Variants in ARMC9 observed in about 807,000 individuals in gnomAD.
ARMC9 encodes the protein armadillo repeat containing 9, also known as lisH domain-containing protein ARMC9.
In ARMC9, 94 loss-of-function variants were observed where a neutral mutation model predicts 107.0. The observed-to-expected ratio is 0.88, with a 90% CI of 0.74 to 1.04. ARMC9 has a LOEUF of 1.04. ARMC9 is among the 50% of genes least tolerant of loss of function. ARMC9 has a pLI of 0.00. For missense variants in ARMC9, 942 were observed against 1,030.1 expected (o/e 0.91, Z 1.17); for synonymous variants, 380 against 396.9 (o/e 0.96, Z 0.51).
intron 16 of ARMC9, among the ~76,000 whole-genome samples, chr2:231,280,161 T>C (rs551879086): frequency 6.6e-6 from 1 of 152,260 alleles, no homozygotes; most frequent in African/African-American, 2.4e-5. Flanking sequence ...GCTTTGAAAA[T>C]GAGCTGGATG....
chr2:231,347,882 C>A (rs1428386995), intron 21 of ARMC9, among the ~76,000 whole-genome samples: 4 of 152,152 alleles, frequency 2.6e-5, no homozygotes, highest in Non-Finnish European at 4.4e-5. Flanking sequence ...TATGTAGAGA[C>A]CTTTATTTTT....
At position 231,240,061 on chromosome 2, in the gene ARMC9, G is replaced by T. The variant is rs2036145237; in HGVS notation, c.879+20G>T. 1 of 1,598,506 alleles carries T rather than the reference G, an allele frequency of 6.3e-7. No homozygotes were observed. The highest frequency in any genetic ancestry group is 1.3e-5 in the African/African-American group (1 of 74,526). ...GGGACGGTGAGGCTCTGCGCTCAGGGCAGGGTGCCCGTGGTCTATCCCCCC... is the reference window on the plus strand; with the variant it reads ...GGGACGGTGAGGCTCTGCGCTCAGGTCAGGGTGCCCGTGGTCTATCCCCCC... On this transcript the variant is annotated intron_variant, in intron 9 of 24. Coordinates refer to ENST00000611582, the MANE Select transcript of ARMC9 (RefSeq NM_001352754.2).
chr2:231,262,523 G>A, intron 12 of ARMC9, 125 bp downstream of exon 12: 3 of 933,006 alleles, frequency 3.2e-6, no homozygotes, highest in Admixed American at 2.1e-5. Context: ...TCAGCCTTGA[G>A]CTCATGAGGT....
At position 231,291,461 on chromosome 2, in the gene ARMC9, ATCTTTGATCTATCTTTTG is replaced by A; in HGVS notation, c.1717+19_1717+36del. The A allele has an allele frequency of 6.2e-7, 1 of 1,601,442 alleles. No homozygotes were observed. The highest frequency in any genetic ancestry group is 1.1e-5 in the South Asian group (1 of 90,818). On this transcript the variant is annotated intron_variant, in intron 18 of 24. Transcript: ENST00000611582. ...AAATTCCGGTCAGTTTGATGCAAGA[ATCTTTGATCTATCTTTTG>A]AATTATTCACATTTGCCAGAAAGAC...
rs1015178336 is a variant in ARMC9 at position 231,273,062 on chromosome 2, C to T, written c.1318C>T (p.Gln440Ter). ...ITRENVLGAL[Q>*]KFSLRRPLQT... Reference sequence around the variant, plus strand: ...CAGGGAGAATGTTCTTGGGGCCCTGCAGAAGTTCAGTCTCAGGTAACGACT... The same window carrying T: ...CAGGGAGAATGTTCTTGGGGCCCTGTAGAAGTTCAGTCTCAGGTAACGACT... The change falls in exon 14 of 25, where the codon CAG becomes TAG. Residue 440 changes from glutamine (Q) to a stop codon, truncating the protein, a stop_gained. Transcript: ENST00000611582. LOFTEE classifies it high-confidence loss of function. 4 of 1,613,458 alleles carry T rather than the reference C, an allele frequency of 2.5e-6. No individual in the cohort carries two copies. Among genetic ancestry groups the T allele is most frequent in the Non-Finnish European group, 3.4e-6 (4 of 1,179,638 alleles).
chr2:231,344,901 G>A (rs1575150510), intron 20 of ARMC9, 74 bp from the exon 21 acceptor site: 1 of 1,400,120 alleles, frequency 7.1e-7, no homozygotes. Context: ...TTTATTCAGT[G>A]TATTCTGCTT....
intron 14 of ARMC9, among the ~76,000 whole-genome samples, chr2:231,274,363 G>T (rs552463231): frequency 6.6e-6 from 1 of 152,040 alleles, no homozygotes; most frequent in African/African-American, 2.4e-5. Flanking sequence ...TGATCCACCC[G>T]CCTCGGCCTC....
rs1239496253 is a variant in ARMC9, at chr2:231,336,201, A to G, written c.1878+4304A>G. ...GGATATAAACATTTATGACAGAATC[A>G]TAGAATCCCAGCTTTTTTTTTTTTT... is the stretch of plus-strand genomic sequence containing the variant. On this transcript the variant is annotated intron_variant, in intron 20 of 24. Coordinates refer to ENST00000611582, the MANE Select transcript of ARMC9 (RefSeq NM_001352754.2). 2.6e-5 allele frequency among the ~76,000 whole-genome samples: 4 copies of G among 152,190 alleles called. No homozygotes were observed. In the East Asian group the frequency reaches 7.7e-4, roughly 29 times the overall value.
chr2:231,336,098 TAAATAC>T (rs1182306199), intron 20 of ARMC9, among the ~76,000 whole-genome samples: 3 of 151,516 alleles, frequency 2.0e-5, no homozygotes, highest in Non-Finnish European at 4.4e-5. Context: ...TAAAAATAAA[TAAATAC>T]AAATACAAAT....
intron 20 of ARMC9, among the ~76,000 whole-genome samples, chr2:231,344,460 C>T (rs1184822180): frequency 1.3e-5 from 2 of 152,014 alleles, no homozygotes; most frequent in African/African-American, 4.8e-5. Flanking sequence ...ATTCTTTGCC[C>T]GATTATCAAT....
At chr2:231,345,113 G>A (rs761632253) in intron 21 of ARMC9, 23 bp downstream of exon 21, 26 of 1,607,964 alleles carry the variant, frequency 1.6e-5, no homozygotes, top group Admixed American at 1.4e-4. Flanking sequence ...TAAAGGAAGC[G>A]GGAATTGACT....
At chr2:231,335,940 A>G (rs942613926) in intron 20 of ARMC9, among the ~76,000 whole-genome samples, 1 of 152,036 alleles carries the variant, frequency 6.6e-6, no homozygotes, top group Admixed American at 6.6e-5. Flanking sequence ...TTAGCCAGGT[A>G]TGGTGGCACG....
chr2:231,231,662 A>C (rs1167909975), intron 7 of ARMC9, among the ~76,000 whole-genome samples: 1 of 148,396 alleles, frequency 6.7e-6, no homozygotes, highest in East Asian at 2.0e-4. Context: ...GGGATTATAG[A>C]TGTGAGCCAC....
chr2:231,376,309 T>G lies in ARMC9; in HGVS notation c.*4774T>G, dbSNP rs1409046673. On this transcript the variant is annotated 3_prime_UTR_variant, in exon 25 of 25. Transcript: ENST00000611582. ...TGAGTCGGGCGGAACAGAGCCATAT[T>G]TCTCTTCTTTCAAAAGCAAATGGGA... 1.3e-5 allele frequency among the ~76,000 whole-genome samples: 2 copies of G among 152,172 alleles called. No individual in the cohort carries two copies. The highest frequency in any genetic ancestry group is 4.8e-5 in the African/African-American group (2 of 41,428).
intron 16 of ARMC9, among the ~76,000 whole-genome samples, chr2:231,281,226 C>A (rs1338154167): frequency 4.6e-5 from 5 of 108,114 alleles, no homozygotes; most frequent in Non-Finnish European, 9.4e-5. Context: ...TGTATGGGGG[C>A]AGTGGGGCGG....
At chr2:231,225,636 A>T (rs1427188836) in intron 6 of ARMC9, among the ~76,000 whole-genome samples, 2 of 152,216 alleles carry the variant, frequency 1.3e-5, no homozygotes, top group Admixed American at 1.3e-4. Flanking sequence ...ACCAGGTATT[A>T]TATGACTCTA....
At chr2:231,280,386 A>G (rs1358916501) in intron 16 of ARMC9, among the ~76,000 whole-genome samples, 1 of 152,170 alleles carries the variant, frequency 6.6e-6, no homozygotes, top group Non-Finnish European at 1.5e-5. Context: ...TGAACCTGGG[A>G]GGTGGAGGTT....
intron 20 of ARMC9, among the ~76,000 whole-genome samples, chr2:231,341,625 T>A (rs80325163): frequency 6.0e-4 from 86 of 142,462 alleles, no homozygotes; most frequent in South Asian, 4.8e-4. Flanking sequence ...GATGATTGAT[T>A]GATAGATAGA....
chr2:231,221,944 A>C (rs533379876), intron 5 of ARMC9, among the ~76,000 whole-genome samples: 2 of 151,808 alleles, frequency 1.3e-5, no homozygotes, highest in African/African-American at 2.4e-5. Context: ...AGGAGGGTAC[A>C]GAGCTGGAGA....
Sources: allele counts gnomAD v4.1 joint callset (sites outside exome capture counted in the v4.1 genomes callset), GRCh38; gene constraint gnomAD v4.1.1; transcripts MANE v1.5; gene names NCBI Gene and HGNC (gene_info 2026-07-23, HGNC 2026-07-21).